CLDN14: variants seen among roughly 807,000 people sequenced by gnomAD.
CLDN14 encodes claudin 14.
Under a neutral mutation model 2.1 loss-of-function variants are expected in CLDN14, and 2 were observed. The observed-to-expected ratio is 0.96, with a 90% CI of 0.39 to 3.01. CLDN14 has a LOEUF of 3.01. CLDN14 is among the 30% of genes most tolerant of loss of function. CLDN14 has a pLI of 0.09. For missense variants in CLDN14, 298 were observed against 328.0 expected, an observed-to-expected ratio of 0.91 and a Z score of 0.71; for synonymous variants, 136 against 154.4, an observed-to-expected ratio of 0.88 and a Z score of 0.88.
At chr21:36,537,166 AG>A (rs2087430394) in intron 1 of CLDN14, among the ~76,000 whole-genome samples, 2 of 152,122 alleles carry the variant, frequency 1.3e-5, no homozygotes, top group Admixed American at 1.3e-4. Context: ...ACTCCAGCCT[AG>A]GCAACAAGAG....
chr21:36,553,248 T>C (rs962178077), intron 1 of CLDN14, among the ~76,000 whole-genome samples: 6 of 152,176 alleles, frequency 3.9e-5, no homozygotes, highest in African/African-American at 1.4e-4. Context: ...TAGTCTTACC[T>C]CTGCCTTCAG....
intron 2 of CLDN14, chr21:36,485,766 C>T (rs2086888509): frequency 7.0e-6 from 2 of 286,346 alleles, no homozygotes; most frequent in Admixed American, 4.9e-5. Context: ...AAAATTGCAC[C>T]ACCTACCTTG....
At chr21:36,549,150 T>G (rs2087546144) in intron 1 of CLDN14, among the ~76,000 whole-genome samples, 1 of 152,124 alleles carries the variant, frequency 6.6e-6, no homozygotes, top group South Asian at 2.1e-4. Flanking sequence ...CTGGTGTTTT[T>G]TTTTTTTTTT....
chr21:36,487,301 A>G, intron 2 of CLDN14: 1 of 229,216 alleles, frequency 4.4e-6, no homozygotes, highest in Non-Finnish European at 8.8e-6. Context: ...GTTTTGAATG[A>G]CATACTATGT....
chr21:36,561,290 G>C (rs922277733), intron 1 of CLDN14, among the ~76,000 whole-genome samples: 1 of 152,246 alleles, frequency 6.6e-6, no homozygotes, highest in South Asian at 2.1e-4. Flanking sequence ...TCTGTGGGTG[G>C]TGCTGGCTGT....
intron 1 of CLDN14, among the ~76,000 whole-genome samples, chr21:36,519,843 C>T (rs760733510): frequency 1.2e-4 from 19 of 152,312 alleles, no homozygotes; most frequent in East Asian, 1.9e-4. Context: ...TCCTTCCAAA[C>T]ACTCAGCCCA....
At chr21:36,547,336 G>A (rs2087532306) in intron 1 of CLDN14, among the ~76,000 whole-genome samples, 2 of 152,130 alleles carry the variant, frequency 1.3e-5, no homozygotes, top group African/African-American at 4.8e-5. Flanking sequence ...TATAATGCAT[G>A]CAGGTCTTAC....
intron 1 of CLDN14, among the ~76,000 whole-genome samples, chr21:36,553,678 T>C (rs2087578192): frequency 6.6e-6 from 1 of 151,960 alleles, no homozygotes; most frequent in Admixed American, 6.6e-5. Context: ...ACTTCTGACA[T>C]TGGCGGTCTC....
intron 1 of CLDN14, among the ~76,000 whole-genome samples, chr21:36,531,235 A>G (rs1193983344): frequency 6.6e-6 from 1 of 152,054 alleles, no homozygotes; most frequent in South Asian, 2.1e-4. Flanking sequence ...TTGAAAAAAA[A>G]TTAATAATGT....
At chr21:36,475,236 A>G (rs1413495769) in intron 1 of CLDN14, among the ~76,000 whole-genome samples, 1 of 152,204 alleles carries the variant, frequency 6.6e-6, no homozygotes. Context: ...AAAATGATGA[A>G]GGCAGACAGC....
chr21:36,507,134 A>G (rs1267836880), intron 2 of CLDN14, among the ~76,000 whole-genome samples: 1 of 151,968 alleles, frequency 6.6e-6, no homozygotes, highest in East Asian at 1.9e-4. Flanking sequence ...TAAAAAAAAA[A>G]AAGCACTACA....
rs139418350 is a variant in CLDN14, at chr21:36,466,845, T to G, written c.-81-5069A>C. Among the ~76,000 whole-genome samples, 747 of 152,266 alleles carry G rather than the reference T, an allele frequency of 4.9e-3. 2 individuals carry two copies. The highest frequency in any genetic ancestry group is 0.014 in the Middle Eastern group (4 of 294). ...ATCTACAACATCAAAAGCAAATTAGTTACTTCCTAGATAGAATGGGGGTAC... is the reference window on the plus strand; with the variant it reads ...ATCTACAACATCAAAAGCAAATTAGGTACTTCCTAGATAGAATGGGGGTAC... On this transcript the variant is annotated intron_variant, in intron 1 of 1. Transcript: ENST00000399135.
chr21:36,467,797 T>C (rs2086664789), intron 1 of CLDN14, among the ~76,000 whole-genome samples: 1 of 152,178 alleles, frequency 6.6e-6, no homozygotes, highest in Non-Finnish European at 1.5e-5. Context: ...AGCTTTCCTA[T>C]GGACACACAT....
chr21:36,482,806 G>A (rs2086861637), upstream of CLDN14, among the ~76,000 whole-genome samples: 1 of 152,160 alleles, frequency 6.6e-6, no homozygotes, highest in Non-Finnish European at 1.5e-5. Flanking sequence ...GAAAACCTTG[G>A]TGCTAGGCCT....
chr21:36,471,646 C>T (rs1379662118), intron 1 of CLDN14, among the ~76,000 whole-genome samples: 4 of 152,224 alleles, frequency 2.6e-5, no homozygotes, highest in Non-Finnish European at 5.9e-5. Context: ...GGAAATCCAG[C>T]AGAGCCCACT....
intron 2 of CLDN14, among the ~76,000 whole-genome samples, chr21:36,489,395 A>G (rs1181471364): frequency 1.3e-5 from 2 of 152,106 alleles, no homozygotes; most frequent in South Asian, 2.1e-4. Flanking sequence ...ATGCTGAGAC[A>G]CCAATGGCAA....
In CLDN14 at chr21:36,553,073, C is replaced by T. The variant is rs141076289; in HGVS notation, c.-220+23338G>A. On this transcript the variant is annotated intron_variant, in intron 1 of 2. Transcript: ENST00000342108. ...GGCCTTGGGCCTCAACAGGAGAGTGCGCAACAGATGGGAGCTAAAGCATTG... is the reference window on the plus strand; with the variant it reads ...GGCCTTGGGCCTCAACAGGAGAGTGTGCAACAGATGGGAGCTAAAGCATTG... Among the ~76,000 whole-genome samples the T allele has an allele frequency of 3.2e-3, 481 of 152,272 alleles. 2 individuals are homozygous for T. The highest frequency in any genetic ancestry group is 0.01 in the African/African-American group (427 of 41,532).
chr21:36,461,011 T>G lies in CLDN14; in HGVS notation c.685A>C (p.Thr229Pro), dbSNP rs2086559784. The change falls in exon 2 of 2, where the codon ACG becomes CCG. Residue 229 changes from threonine (T) to proline (P), a missense_variant. Thr to Pro is a conservative substitution (Grantham distance 38, BLOSUM62 -1). Transcript: ENST00000399135. ...TCGTTCAGCCTGTACCCGCTGTGCGTGGCCGAGGTCACTGAGGGGGCCCGA... is the reference window on the plus strand; with the variant it reads ...TCGTTCAGCCTGTACCCGCTGTGCGGGGCCGAGGTCACTGAGGGGGCCCGA... Reference protein sequence around the residue: ...DNRAPSVTSATHSGYRLNDYV With the variant: ...DNRAPSVTSAPHSGYRLNDYV 6.2e-7 allele frequency: 1 copy of G among 1,613,192 alleles called. No homozygotes were observed. The highest frequency in any genetic ancestry group is 1.3e-5 in the African/African-American group (1 of 74,914).
intron 1 of CLDN14, among the ~76,000 whole-genome samples, chr21:36,528,656 T>C (rs968494557): frequency 6.6e-6 from 1 of 152,192 alleles, no homozygotes; most frequent in Non-Finnish European, 1.5e-5. Flanking sequence ...CTTCGGTCCA[T>C]GCAAGGGGCA....
Sources: gnomAD v4.1 joint callset for allele counts (sites outside exome capture counted in the v4.1 genomes callset) on GRCh38, gnomAD v4.1.1 for gene constraint, MANE v1.5 for transcripts, NCBI Gene and HGNC (gene_info 2026-07-23, HGNC 2026-07-21) for gene names.